The following GSAP variants were observed in gnomAD, a reference collection of about 807,000 sequenced individuals.
The protein encoded by GSAP is gamma-secretase activating protein, also known as gamma-secretase-activating protein.
In GSAP, 118 loss-of-function variants were observed where a neutral mutation model predicts 131.7. That is an observed-to-expected ratio of 0.90 (90% confidence interval 0.77 to 1.04). GSAP has a LOEUF of 1.04. Among genes scored for constraint, GSAP ranks in the 50% least tolerant of loss-of-function variants. GSAP has a pLI of 0.00. For synonymous variants in GSAP, 381 were observed against 363.4 expected, an observed-to-expected ratio of 1.05 and a Z score of -0.55; for missense variants, 1,019 against 1,013.2, an observed-to-expected ratio of 1.01 and a Z score of -0.08.
At chr7:77,370,934 C>CT (rs1796025728) in intron 12 of GSAP, among the ~76,000 whole-genome samples, 1 of 152,188 alleles carries the variant, frequency 6.6e-6, no homozygotes, top group Non-Finnish European at 1.5e-5. Context: ...CCCTTTCTCT[C>CT]TCTCCAGACA....
intron 1 of GSAP, among the ~76,000 whole-genome samples, chr7:77,413,269 A>G (rs907817147): frequency 2.0e-5 from 3 of 152,212 alleles, no homozygotes; most frequent in Admixed American, 1.3e-4. Context: ...CGGAACTGAA[A>G]TGGAGTTGTC....
At chr7:77,332,145 G>T (rs559440654) in intron 19 of GSAP, among the ~76,000 whole-genome samples, 3 of 152,108 alleles carry the variant, frequency 2.0e-5, no homozygotes, top group Non-Finnish European at 2.9e-5. Flanking sequence ...TATGGGAGGG[G>T]AGAAACTCAG....
At chr7:77,322,992 T>C (rs941056417) in intron 24 of GSAP, among the ~76,000 whole-genome samples, 1 of 152,240 alleles carries the variant, frequency 6.6e-6, no homozygotes, top group African/African-American at 2.4e-5. Flanking sequence ...GAGTGTTCTT[T>C]CTCTTTCTGT....
At chr7:77,406,132 T>TAA in intron 1 of GSAP, 27 bp from the exon 2 acceptor site, 1 of 1,194,550 alleles carries the variant, frequency 8.4e-7, no homozygotes, top group Non-Finnish European at 1.1e-6. Context: ...AGGTTAATAC[T>TAA]CAGCAGAAGA....
chr7:77,319,758 T>TA (rs61031867), intron 26 of GSAP, among the ~76,000 whole-genome samples: 50,872 of 151,958 alleles, frequency 0.33, 9,382 homozygotes, highest in East Asian at 0.54. Flanking sequence ...TTCAGGTCAT[T>TA]ACACTAAGTG....
chr7:77,369,363 G>A (rs1795789149), intron 12 of GSAP, among the ~76,000 whole-genome samples: 1 of 152,196 alleles, frequency 6.6e-6, no homozygotes, highest in African/African-American at 2.4e-5. Context: ...TGGCCTGACA[G>A]CAGCAGTGGC....
At chr7:77,375,018 A>C in intron 11 of GSAP, 40 bp downstream of exon 11, 9 of 944,282 alleles carry the variant, frequency 9.5e-6, no homozygotes, top group Non-Finnish European at 6.8e-6. Flanking sequence ...TTTGCCCACA[A>C]GTATCTATAA....
At chr7:77,328,730 A>G (rs1680881952) in intron 21 of GSAP, 93 bp from the exon 22 acceptor site, 3 of 792,714 alleles carry the variant, frequency 3.8e-6, no homozygotes, top group South Asian at 1.6e-5. Context: ...TTAAAAATTC[A>G]TAAAAACCAC....
intron 3 of GSAP, 58 bp from the exon 4 acceptor site, chr7:77,397,473 T>G: frequency 1.1e-6 from 1 of 938,210 alleles, no homozygotes; most frequent in Non-Finnish European, 1.7e-6. Context: ...AACAATTGTA[T>G]GAACATAAAT....
chr7:77,314,902 A>C (rs898709083), intron 26 of GSAP: 5 of 163,502 alleles, frequency 3.1e-5, no homozygotes, highest in African/African-American at 1.2e-4. Context: ...CCAGAAGGCA[A>C]TAGTTTATAT....
intron 5 of GSAP, among the ~76,000 whole-genome samples, chr7:77,395,913 T>C (rs1261618290): frequency 1.3e-5 from 2 of 152,224 alleles, no homozygotes; most frequent in Admixed American, 6.5e-5. Context: ...TAGTAAGAGA[T>C]TGATAGGAGA....
chr7:77,363,417 G>C (rs1278723933), intron 12 of GSAP, among the ~76,000 whole-genome samples: 1 of 152,226 alleles, frequency 6.6e-6, no homozygotes, highest in African/African-American at 2.4e-5. Context: ...TATCATTTAT[G>C]TGATTAACTG....
intron 13 of GSAP, 41 bp from the exon 14 acceptor site, chr7:77,360,942 G>C: frequency 8.8e-7 from 1 of 1,138,424 alleles, no homozygotes; most frequent in Non-Finnish European, 1.3e-6. Flanking sequence ...GTTAAACAAA[G>C]AACTGGAACT....
At chr7:77,397,550 G>A (rs1800622017) in intron 3 of GSAP, 135 bp from the exon 4 acceptor site, 2 of 560,388 alleles carry the variant, frequency 3.6e-6, no homozygotes, top group South Asian at 2.4e-5. Flanking sequence ...AACTAGTTTA[G>A]CTATGCTGAC....
chr7:77,409,666 G>C lies in GSAP; in HGVS notation c.110-3561C>G, dbSNP rs1021261366. 2.0e-5 allele frequency among the ~76,000 whole-genome samples: 3 copies of C among 152,268 alleles called. No homozygotes were observed. The South Asian group carries it at 6.2e-4, about 32-fold the overall frequency. On this transcript the variant is annotated intron_variant, in intron 1 of 30. Transcript: ENST00000257626. The stretch of plus-strand genomic sequence containing the variant: ...CTGGAATGCAATGTGTCAATATTTT[G>C]AGAAGTATTTTTTTTCTTTCAAGAT...
At chr7:77,411,736 A>C (rs1803319834) in intron 1 of GSAP, among the ~76,000 whole-genome samples, 1 of 152,204 alleles carries the variant, frequency 6.6e-6, no homozygotes, top group Admixed American at 6.5e-5. Flanking sequence ...ATCCAAATCA[A>C]CTTTTTTTGT....
chr7:77,363,367 C>A (rs1007503763), intron 12 of GSAP, among the ~76,000 whole-genome samples: 1 of 152,228 alleles, frequency 6.6e-6, no homozygotes. Flanking sequence ...CATCAGTGAC[C>A]TACATACAAT....
intron 12 of GSAP, among the ~76,000 whole-genome samples, chr7:77,369,575 A>G (rs1795816672): frequency 2.0e-5 from 3 of 152,256 alleles, no homozygotes; most frequent in African/African-American, 7.2e-5. Context: ...AAATATTATT[A>G]TATCATCATC....
upstream of GSAP, chr7:77,416,449 T>G: frequency 2.0e-6 from 1 of 505,350 alleles, no homozygotes; most frequent in Non-Finnish European, 3.4e-6. Context: ...CCTGCTGCTT[T>G]CGGTTCTGCA....
Sources: allele counts gnomAD v4.1 joint callset (sites outside exome capture counted in the v4.1 genomes callset), GRCh38; gene constraint gnomAD v4.1.1; transcripts MANE v1.5; gene names NCBI Gene and HGNC (gene_info 2026-07-23, HGNC 2026-07-21).